TMEM30B: variants seen among roughly 807,000 people sequenced by gnomAD.
TMEM30B encodes the protein cell division cycle 50 P4-ATPase accessory subunit B.
Under a neutral mutation model 27.9 loss-of-function variants are expected in TMEM30B, and 25 were observed. The ratio of observed to expected loss-of-function variants is 0.89; its 90% confidence interval spans 0.65 to 1.25. The LOEUF (loss-of-function observed/expected upper bound fraction) is 1.25, where lower values mean the gene tolerates loss of function less well. TMEM30B is among the 50% of genes most tolerant of loss of function. The probability of loss-of-function intolerance (pLI) is 0.00; values close to 1 mark genes in which losing one functional copy is unlikely to be tolerated. For missense variants in TMEM30B, 536 were observed against 506.5 expected (o/e 1.06, Z -0.56); for synonymous variants, 248 against 238.5 (o/e 1.04, Z -0.37).
In TMEM30B at chr14:61,281,051, T is replaced by A. The variant is rs754924159; in HGVS notation, c.97A>T (p.Ser33Cys). 1.3e-6 allele frequency: 2 copies of A among 1,524,822 alleles called. No individual in the cohort carries two copies. Among genetic ancestry groups the A allele is most frequent in the South Asian group, 2.5e-5 (2 of 81,524 alleles). The allele number at this position is 1,524,822 out of a possible 1,614,324, so 94.5% of individuals were successfully genotyped here. The change falls in exon 1 of 1, where the codon AGC becomes TGC. Residue 33 changes from serine (S) to cysteine (C), a missense_variant. Ser to Cys is a moderately radical substitution (Grantham distance 112). Transcript: ENST00000555868. ...LPAWQPLLSA[S>C]IALPLFFCAG... is the part of the protein sequence containing the mutation. The stretch of plus-strand genomic sequence containing the variant: ...CAGAAGAAGAGCGGCAGCGCGATGC[T>A]GGCCGACAGCAGCGGCTGCCAGGCG...
rs1326473804 is a variant in TMEM30B at position 61,280,599 on chromosome 14, G to A, written c.549C>T (p.Gly183=). The change falls in exon 1 of 1, where the codon GGC becomes GGT. Residue 183 remains glycine, a synonymous_variant. Transcript: ENST00000555868. The surrounding 1 kb of genome is among the most constrained non-coding windows in gnomAD (Gnocchi z 5.0). ...SFSLWHQRQP[G]GPYVEVPLDR... ...CGAGCGGCACCTCGACGTAGGGCCC[G>A]CCGGGCTGGCGCTGGTGCCAAAGCG... 1.3e-6 allele frequency: 2 copies of A among 1,588,822 alleles called. No individual in the cohort carries two copies. The highest frequency in any genetic ancestry group is 1.7e-6 in the Non-Finnish European group (2 of 1,167,982).
Position 61,279,902 on chromosome 14 carries a change from C to G in TMEM30B, c.*190G>C. 3.3e-6 allele frequency: 2 copies of G among 597,758 alleles called. No individual in the cohort carries two copies. The highest frequency in any genetic ancestry group is 5.9e-6 in the Non-Finnish European group (2 of 339,248). 37.0% of individuals were successfully genotyped at this position (597,758 alleles called of 1,614,324 possible). A position where few individuals can be genotyped will look rare whatever the true frequency, so the allele number is the denominator to read the frequency against. On this transcript the variant is annotated 3_prime_UTR_variant, in exon 1 of 1. Transcript: ENST00000555868. The stretch of plus-strand genomic sequence containing the variant: ...GATGTTTCACTCTGCAGTCAACATC[C>G]CTCCCCGCGGCAAGACAGTCTAGCA...
Position 61,280,267 on chromosome 14 carries a change from C to T in TMEM30B, c.881G>A (p.Arg294His), listed in dbSNP as rs759770300. 1.2e-6 allele frequency: 2 copies of T among 1,614,044 alleles called. No homozygotes were observed. Among genetic ancestry groups the T allele is most frequent in the Non-Finnish European group, 1.7e-6 (2 of 1,179,986 alleles). ...GAGGAGCTTGTGGCCGCCGAACGCG[C>T]GCACCGGGTAGTTGTAGGTGATGTT... ...RVNITYNYPV[R>H]AFGGHKLLIF... Residue 294 changes from arginine to histidine, a missense_variant, in exon 1 of 1, where the codon CGC (arginine) becomes CAC (histidine). Physicochemically the swap from Arg to His is conservative, Grantham distance 29. Transcript: ENST00000555868. This position sits in a 1 kb window ranked among gnomAD's most constrained non-coding sequence, Gnocchi z 5.0.
chr14:61,280,865 C>G lies in TMEM30B; in HGVS notation c.283G>C (p.Ala95Pro), dbSNP rs757464392. The change falls in exon 1 of 1, where the codon GCC becomes CCC. Residue 95 changes from alanine to proline, a missense_variant. Coordinates refer to ENST00000555868, the MANE Select transcript of TMEM30B (RefSeq NM_001017970.3). This position sits in a 1 kb window ranked among gnomAD's most constrained non-coding sequence, Gnocchi z 5.0. ...GRALPPPCSC[A>P]WYFSLPELFQ... is the part of the protein sequence containing the mutation. ...AGCTCGGGCAGCGAGAAGTACCAGG[C>G]GCACGAGCAGGGGGGCGGCAGCGCC... 2 of 1,567,524 alleles carry G rather than the reference C, an allele frequency of 1.3e-6. No individual in the cohort carries two copies. The highest frequency in any genetic ancestry group is 8.6e-7 in the Non-Finnish European group (1 of 1,164,874).
Position 61,280,361 on chromosome 14 carries a change from G to C in TMEM30B, c.787C>G (p.Arg263Gly). The C allele has an allele frequency of 6.2e-7, 1 of 1,613,982 alleles. No individual in the cohort carries two copies. The highest frequency in any genetic ancestry group is 8.5e-7 in the Non-Finnish European group (1 of 1,179,922). The change falls in exon 1 of 1, where the codon CGC (arginine) becomes GGC (glycine). Residue 263 changes from arginine to glycine, a missense_variant. Coordinates refer to ENST00000555868, the MANE Select transcript of TMEM30B (RefSeq NM_001017970.3). The surrounding 1 kb of genome is among the most constrained non-coding windows in gnomAD (Gnocchi z 5.0). Reference sequence around the variant, plus strand: ...TGGCGGATGCGCGCGTACAGTTTGCGGAACGTGGGCAGCGCCGCCGTGCGC... The same window carrying C: ...TGGCGGATGCGCGCGTACAGTTTGCCGAACGTGGGCAGCGCCGCCGTGCGC... ...WMRTAALPTF[R>G]KLYARIRQGN...
rs71117806 is a variant in TMEM30B at position 61,278,975 on chromosome 14, TCACACACACACACACACACACACACACA to T, written c.*1089_*1116del. The T allele has an allele frequency of 7.1e-6, 1 of 140,240 alleles. No individual in the cohort carries two copies. The highest frequency in any genetic ancestry group is 1.6e-5 in the Non-Finnish European group (1 of 64,234). 8.7% of individuals were successfully genotyped at this position (140,240 alleles called of 1,614,324 possible). A position where few individuals can be genotyped will look rare whatever the true frequency, so the allele number is the denominator to read the frequency against. On this transcript the variant is annotated 3_prime_UTR_variant, in exon 1 of 1. Coordinates refer to ENST00000555868, the MANE Select transcript of TMEM30B (RefSeq NM_001017970.3). ...AAGGTATGAATGAAGCCCTTTCTAA[TCACACACACACACACACACACACACACA>T]CACACACACAATGACAAAGAACACT...
In TMEM30B at chr14:61,277,602, T is replaced by C. The variant is rs1178184425; in HGVS notation, c.*2490A>G. 1.3e-5 allele frequency: 2 copies of C among 152,378 alleles called. No individual in the cohort carries two copies. The highest frequency in any genetic ancestry group is 1.3e-4 in the Admixed American group (2 of 15,310). The allele number at this position is 152,378 out of a possible 1,614,324, so 9.4% of individuals were successfully genotyped here. A position where few individuals can be genotyped will look rare whatever the true frequency, so the allele number is the denominator to read the frequency against. On this transcript the variant is annotated 3_prime_UTR_variant, in exon 1 of 1. Coordinates refer to ENST00000555868, the MANE Select transcript of TMEM30B (RefSeq NM_001017970.3). ...CGTTTCCCATTTCAGTTTTAAAGTT[T>C]CTGCTGCTTTGAAGTCCAAAATATC... is the stretch of plus-strand genomic sequence containing the variant.
rs1387405350 is a variant in TMEM30B, at chr14:61,277,972, C to T, written c.*2120G>A. 2.6e-5 allele frequency: 4 copies of T among 152,034 alleles called. No individual in the cohort carries two copies. The highest frequency in any genetic ancestry group is 4.4e-5 in the Non-Finnish European group (3 of 68,026). The allele number at this position is 152,034 out of a possible 1,614,324, so 9.4% of individuals were successfully genotyped here. A position where few individuals can be genotyped will look rare whatever the true frequency, so the allele number is the denominator to read the frequency against. On this transcript the variant is annotated 3_prime_UTR_variant, in exon 1 of 1. Coordinates refer to ENST00000555868, the MANE Select transcript of TMEM30B (RefSeq NM_001017970.3). ...ATCGTTCAAAAGAATTCAGCAAACT[C>T]GATAACAAAGGTAAGACAAACATAA...
chr14:61,278,347 T>C lies in TMEM30B; in HGVS notation c.*1745A>G, dbSNP rs956624236. On this transcript the variant is annotated 3_prime_UTR_variant, in exon 1 of 1. Coordinates refer to ENST00000555868, the MANE Select transcript of TMEM30B (RefSeq NM_001017970.3). The stretch of plus-strand genomic sequence containing the variant: ...GTTCAGGAGTTGGGAAGCCAACACA[T>C]TAAATTAACAAAGTATTTTTGGTAT... 3 of 152,188 alleles carry C rather than the reference T, an allele frequency of 2.0e-5. No homozygotes were observed. Among genetic ancestry groups the C allele is most frequent in the Non-Finnish European group, 2.9e-5 (2 of 68,022 alleles). The allele number at this position is 152,188 out of a possible 1,614,324, so 9.4% of individuals were successfully genotyped here.
At position 61,280,548 on chromosome 14, in the gene TMEM30B, G is replaced by A. The variant is rs1266997351; in HGVS notation, c.600C>T (p.Thr200=). 12 of 1,611,252 alleles carry A rather than the reference G, an allele frequency of 7.4e-6. No individual in the cohort carries two copies. The highest frequency in any genetic ancestry group is 1.0e-5 in the Non-Finnish European group (12 of 1,179,014). Residue 200 remains threonine (T), a synonymous_variant, in exon 1 of 1, where the codon ACC becomes ACT. Transcript: ENST00000555868. The surrounding 1 kb of genome is among the most constrained non-coding windows in gnomAD (Gnocchi z 5.0). ...GGTTGCGGAACTTGACGTGGTAGTC[G>A]GTCCACCAGGCGATGCCGGAGCGGT... ...PLDRSGIAWW[T]DYHVKFRNPP... is the part of the protein sequence containing the mutation.
Position 61,278,899 on chromosome 14 carries a change from T to C in TMEM30B, c.*1193A>G, listed in dbSNP as rs888973493. 1.3e-5 allele frequency: 2 copies of C among 151,726 alleles called. No individual in the cohort carries two copies. The highest frequency in any genetic ancestry group is 2.9e-5 in the Non-Finnish European group (2 of 67,982). 9.4% of individuals were successfully genotyped at this position (151,726 alleles called of 1,614,324 possible). A position where few individuals can be genotyped will look rare whatever the true frequency, so the allele number is the denominator to read the frequency against. The stretch of plus-strand genomic sequence containing the variant: ...TTCAAATATGATTACTAGAAATCAA[T>C]AGATTTCATTTGAAAAGATAAAAAA... On this transcript the variant is annotated 3_prime_UTR_variant, in exon 1 of 1. Transcript: ENST00000555868.
Position 61,280,803 on chromosome 14 carries a change from G to A in TMEM30B, c.345C>T (p.Thr115=). 1.3e-6 allele frequency: 2 copies of A among 1,561,030 alleles called. No individual in the cohort carries two copies. The highest frequency in any genetic ancestry group is 8.6e-7 in the Non-Finnish European group (1 of 1,162,572). Residue 115 remains threonine, a synonymous_variant, in exon 1 of 1, where the codon ACC becomes ACT. Coordinates refer to ENST00000555868, the MANE Select transcript of TMEM30B (RefSeq NM_001017970.3). The surrounding 1 kb of genome is among the most constrained non-coding windows in gnomAD (Gnocchi z 5.0). ...AGCGCCGGTTGTTCTGGTAGAAGTT[G>A]GTCAGCTCGTAGTAGAGGTACACTG... The part of the protein sequence containing the change: ...QGPVYLYYEL[T]NFYQNNRRYG...
At position 61,280,265 on chromosome 14, in the gene TMEM30B, C is replaced by A; in HGVS notation, c.883G>T (p.Ala295Ser). The change falls in exon 1 of 1, where the codon GCG (alanine) becomes TCG (serine). Residue 295 changes from alanine (A) to serine (S), a missense_variant. By Grantham distance (99) the Ala-to-Ser change is moderately conservative (BLOSUM62 1). Coordinates refer to ENST00000555868, the MANE Select transcript of TMEM30B (RefSeq NM_001017970.3). The surrounding 1 kb of genome is among the most constrained non-coding windows in gnomAD (Gnocchi z 5.0). ...VNITYNYPVR[A>S]FGGHKLLIFS... ...ATGAGGAGCTTGTGGCCGCCGAACG[C>A]GCGCACCGGGTAGTTGTAGGTGATG... 6.2e-7 allele frequency: 1 copy of A among 1,614,060 alleles called. No homozygotes were observed. Among genetic ancestry groups the A allele is most frequent in the Non-Finnish European group, 8.5e-7 (1 of 1,180,000 alleles).
chr14:61,278,424 A>G lies in TMEM30B; in HGVS notation c.*1668T>C, dbSNP rs2045223492. On this transcript the variant is annotated 3_prime_UTR_variant, in exon 1 of 1. Transcript: ENST00000555868. ...GAATCAGGATTGTCCCAGAAGTTCT[A>G]AGGCAGATGTCAATGACATGCACAT... The G allele has an allele frequency of 1.3e-5, 2 of 152,274 alleles. No individual in the cohort carries two copies. 9.4% of individuals were successfully genotyped at this position (152,274 alleles called of 1,614,324 possible). A position where few individuals can be genotyped will look rare whatever the true frequency, so the allele number is the denominator to read the frequency against.
rs2045263110 is a variant in TMEM30B, at chr14:61,281,237, C to G, written c.-90G>C. ...TCTCCGCGCCGCGCAAGCCCGGGGACTGCTCGCGGGTCGGGTTTCCCGCCA... is the reference window on the plus strand; with the variant it reads ...TCTCCGCGCCGCGCAAGCCCGGGGAGTGCTCGCGGGTCGGGTTTCCCGCCA... On this transcript the variant is annotated 5_prime_UTR_variant, in exon 1 of 1. Coordinates refer to ENST00000555868, the MANE Select transcript of TMEM30B (RefSeq NM_001017970.3). The G allele has an allele frequency of 4.9e-6, 4 of 818,646 alleles. No homozygotes were observed. The highest frequency in any genetic ancestry group is 6.6e-6 in the Non-Finnish European group (4 of 602,942). The allele number at this position is 818,646 out of a possible 1,614,324, so 50.7% of individuals were successfully genotyped here. A position where few individuals can be genotyped will look rare whatever the true frequency, so the allele number is the denominator to read the frequency against.
rs768296722 is a variant in TMEM30B, at chr14:61,280,900, C to T, written c.248G>A (p.Gly83Asp). 2 of 1,547,102 alleles carry T rather than the reference C, an allele frequency of 1.3e-6. No homozygotes were observed. The highest frequency in any genetic ancestry group is 4.0e-5 in the Admixed American group (2 of 50,274). ...GGGGGGCGGCAGCGCCCGGCCCTGG[C>T]CAGCCGCGGCGCACACCGAGCAGTT... Reference protein sequence around the residue: ...TGNCSVCAAAGQGRALPPPCS... With the variant: ...TGNCSVCAAADQGRALPPPCS... Residue 83 changes from glycine (G) to aspartate (D), a missense_variant, in exon 1 of 1, where the codon GGC becomes GAC. Coordinates refer to ENST00000555868, the MANE Select transcript of TMEM30B (RefSeq NM_001017970.3). The surrounding 1 kb of genome is among the most constrained non-coding windows in gnomAD (Gnocchi z 5.0).
At position 61,280,272 on chromosome 14, in the gene TMEM30B, CG is replaced by C; in HGVS notation, c.875del (p.Pro292ArgfsTer94). 6.2e-7 allele frequency: 1 copy of C among 1,613,966 alleles called. No individual in the cohort carries two copies. Among genetic ancestry groups the C allele is most frequent in the Non-Finnish European group, 8.5e-7 (1 of 1,179,988 alleles). Reference protein sequence around the residue: ...AYRVNITYNYPVRAFGGHKLL... With the variant: ...AYRVNITYNYXVRAFGGHKLL... ...GCTTGTGGCCGCCGAACGCGCGCAC[CG>C]GGTAGTTGTAGGTGATGTTGACGCG... is the stretch of plus-strand genomic sequence containing the variant. On this transcript the variant is annotated frameshift_variant, in exon 1 of 1. Transcript: ENST00000555868. LOFTEE classifies it high-confidence loss of function. The surrounding 1 kb of genome is among the most constrained non-coding windows in gnomAD (Gnocchi z 5.0).
rs559514137 is a variant in TMEM30B, at chr14:61,280,655, T to C, written c.493A>G (p.Ile165Val). 2.5e-6 allele frequency: 4 copies of C among 1,571,646 alleles called. No individual in the cohort carries two copies. In the African/African-American group the frequency reaches 5.4e-5, roughly 21 times the overall value. Residue 165 changes from isoleucine (I) to valine (V), a missense_variant, in exon 1 of 1, where the codon ATC becomes GTC. Ile to Val is a conservative substitution (Grantham distance 29). Coordinates refer to ENST00000555868, the MANE Select transcript of TMEM30B (RefSeq NM_001017970.3). This position sits in a 1 kb window ranked among gnomAD's most constrained non-coding sequence, Gnocchi z 5.0. ...AGLPIAPCGA[I>V]ANSLFNDSFS... is the part of the protein sequence containing the mutation. ...GAGTCGTTGAAGAGGCTGTTGGCGA[T>C]GGCGCCGCAGGGCGCGATGGGCAGG...
At position 61,278,975 on chromosome 14, in the gene TMEM30B, T is replaced by TCACACACACACACACACACACA. The variant is rs71117806; in HGVS notation, c.*1095_*1116dup. ...AAGGTATGAATGAAGCCCTTTCTAATCACACACACACACACACACACACAC... is the reference window on the plus strand; with the variant it reads ...AAGGTATGAATGAAGCCCTTTCTAATCACACACACACACACACACACACACACACACACACACACACACACAC... On this transcript the variant is annotated 3_prime_UTR_variant, in exon 1 of 1. Coordinates refer to ENST00000555868, the MANE Select transcript of TMEM30B (RefSeq NM_001017970.3). 8.5e-5 allele frequency: 12 copies of TCACACACACACACACACACACA among 140,354 alleles called. No individual in the cohort carries two copies. The East Asian group carries it at 8.6e-4, about 10-fold the overall frequency. 8.7% of individuals were successfully genotyped at this position (140,354 alleles called of 1,614,324 possible). A position where few individuals can be genotyped will look rare whatever the true frequency, so the allele number is the denominator to read the frequency against.
Sources: allele counts gnomAD v4.1 joint callset, GRCh38; gene constraint gnomAD v4.1.1; non-coding constraint Gnocchi (gnomAD v3.1); transcripts MANE v1.5; gene names NCBI Gene and HGNC (gene_info 2026-07-23, HGNC 2026-07-21).